The following DCHS2 variants were observed in gnomAD, a reference collection of about 807,000 sequenced individuals.
DCHS2 encodes the protein dachsous cadherin-related 2.
DCHS2 carries 142 observed loss-of-function variants against 182.4 expected under a neutral mutation model. The ratio of observed to expected loss-of-function variants is 0.78; its 90% confidence interval spans 0.68 to 0.89. The LOEUF (loss-of-function observed/expected upper bound fraction) is 0.89. DCHS2 is among the 40% of genes least tolerant of loss of function. The probability of loss-of-function intolerance (pLI) is 0.00; values close to 1 mark genes in which losing one functional copy is unlikely to be tolerated. For synonymous variants in DCHS2, 1,740 were observed against 1,663.3 expected, an observed-to-expected ratio of 1.05 and a Z score of -1.12; for missense variants, 4,319 against 4,198.6, an observed-to-expected ratio of 1.03 and a Z score of -0.79.
chr4:154,391,365 G>A, intron 1 of DCHS2: 1 of 1,525,990 alleles, frequency 6.6e-7, no homozygotes, highest in Non-Finnish European at 8.8e-7. Flanking sequence ...CTTTCCTTGT[G>A]CTACAGGTTC....
chr4:154,306,186 G>T (rs911541707), intron 10 of DCHS2, among the ~76,000 whole-genome samples: 1 of 151,938 alleles, frequency 6.6e-6, no homozygotes, highest in Admixed American at 6.6e-5. Context: ...TTTTATATAA[G>T]AATGAAAATA....
Position 154,235,456 on chromosome 4 carries a change from C to A in DCHS2, c.9196G>T (p.Asp3066Tyr). 1 of 1,614,058 alleles carries A rather than the reference C, an allele frequency of 6.2e-7. No individual in the cohort carries two copies. Residue 3066 changes from aspartate to tyrosine, a missense_variant, in exon 20 of 20, where the codon GAT becomes TAT. Physicochemically the swap from Asp to Tyr is radical, Grantham distance 160. Coordinates refer to ENST00000357232, the MANE Select transcript of DCHS2 (RefSeq NM_001358235.2). ...AAACTCAACCATTCCGGAGTGGCAT[C>A]CACAGGGACCACCTCGTTACTGCAG... is the stretch of plus-strand genomic sequence containing the variant. ...DDCSNEVVPV[D>Y]ATPEWLSLIS...
intron 3 of DCHS2, among the ~76,000 whole-genome samples, chr4:154,364,140 G>A (rs1273257892): frequency 6.6e-6 from 1 of 152,168 alleles, no homozygotes; most frequent in Non-Finnish European, 1.5e-5. Flanking sequence ...AAAATTCCAT[G>A]AAAGTTCCCT....
At chr4:154,338,879 C>A (rs749363578) in intron 3 of DCHS2, among the ~76,000 whole-genome samples, 1 of 152,088 alleles carries the variant, frequency 6.6e-6, no homozygotes, top group Non-Finnish European at 1.5e-5. Context: ...GTCAATACTA[C>A]AAGTATTAGC....
chr4:154,353,416 G>A (rs964059983), intron 3 of DCHS2, among the ~76,000 whole-genome samples: 2 of 152,122 alleles, frequency 1.3e-5, no homozygotes, highest in African/African-American at 2.4e-5. Flanking sequence ...CTAGTTAAAA[G>A]ACAAACATTA....
At chr4:154,384,238 G>A in intron 1 of DCHS2, 7 of 1,408,214 alleles carry the variant, frequency 5.0e-6, no homozygotes, top group Non-Finnish European at 6.6e-6. Context: ...TAATGATCGA[G>A]GCTTGATCTT....
At chr4:154,461,322 G>A (rs1006962439) in intron 1 of DCHS2, among the ~76,000 whole-genome samples, 2 of 151,956 alleles carry the variant, frequency 1.3e-5, no homozygotes, top group Admixed American at 1.3e-4. Flanking sequence ...GCCATCTAGG[G>A]CCTAGCTAAA....
chr4:154,356,072 G>A (rs1372949671), intron 3 of DCHS2, among the ~76,000 whole-genome samples: 1 of 152,134 alleles, frequency 6.6e-6, no homozygotes, highest in African/African-American at 2.4e-5. Flanking sequence ...TATCATAGGA[G>A]ATGACAGCTC....
chr4:154,260,101 C>A (rs1423442263), intron 14 of DCHS2, among the ~76,000 whole-genome samples: 1 of 152,166 alleles, frequency 6.6e-6, no homozygotes, highest in African/African-American at 2.4e-5. Flanking sequence ...GGATTATAGG[C>A]GTGAGCCACA....
intron 16 of DCHS2, among the ~76,000 whole-genome samples, chr4:154,243,384 T>G (rs1335836555): frequency 6.6e-6 from 1 of 152,170 alleles, no homozygotes; most frequent in African/African-American, 2.4e-5. Context: ...ATTTAATCTC[T>G]CTTGGATGAT....
intron 13 of DCHS2, among the ~76,000 whole-genome samples, chr4:154,291,640 TG>T (rs1219594434): frequency 1.3e-5 from 2 of 152,198 alleles, no homozygotes; most frequent in African/African-American, 4.8e-5. Flanking sequence ...CCCAGTCATC[TG>T]CAACAACATG....
At chr4:154,378,655 C>T (rs1579025908) in intron 1 of DCHS2, among the ~76,000 whole-genome samples, 1 of 152,168 alleles carries the variant, frequency 6.6e-6, no homozygotes, top group East Asian at 1.9e-4. Flanking sequence ...AACGTTCACT[C>T]TTCAGATCAG....
Position 154,325,891 on chromosome 4 carries a change from G to A in DCHS2, c.4018+2202C>T, listed in dbSNP as rs114226969. Among the ~76,000 whole-genome samples the A allele has an allele frequency of 2.1e-3, 313 of 152,300 alleles. 1 individual carries two copies. The highest frequency in any genetic ancestry group is 6.9e-3 in the African/African-American group (288 of 41,564). On this transcript the variant is annotated intron_variant, in intron 7 of 19. Coordinates refer to ENST00000357232, the MANE Select transcript of DCHS2 (RefSeq NM_001358235.2). ...CAATGAACTCAAAGCTGCTGTTTGC[G>A]TCAAATTCTTTTTATCTTCTGTAAA...
chr4:154,388,891 C>A (rs1256224740), intron 1 of DCHS2, among the ~76,000 whole-genome samples: 1 of 152,040 alleles, frequency 6.6e-6, no homozygotes, highest in Admixed American at 6.6e-5. Context: ...AGGCATTGGC[C>A]GTCTGTCTAT....
At chr4:154,484,188 C>A (rs1022590397) in intron 1 of DCHS2, among the ~76,000 whole-genome samples, 15 of 152,154 alleles carry the variant, frequency 9.9e-5, no homozygotes, top group African/African-American at 3.4e-4. Context: ...CTTTGTGATA[C>A]CTCTAAGGCC....
intron 1 of DCHS2, among the ~76,000 whole-genome samples, chr4:154,426,468 C>A (rs1306321072): frequency 2.2e-4 from 34 of 152,172 alleles, no homozygotes; most frequent in African/African-American, 7.5e-4. Context: ...AAGCAGGAAG[C>A]TACACAGGTC....
intron 16 of DCHS2, among the ~76,000 whole-genome samples, chr4:154,253,184 A>AGTGTGTGT: frequency 6.8e-6 from 1 of 147,788 alleles, no homozygotes; most frequent in South Asian, 2.1e-4. Context: ...AGAGAGAGAG[A>AGTGTGTGT]GAGAGAGAGT....
chr4:154,305,322 C>G (rs1006571390), intron 10 of DCHS2, 91 bp from the exon 11 acceptor site: 1 of 1,405,892 alleles, frequency 7.1e-7, no homozygotes, highest in Non-Finnish European at 9.3e-7. Context: ...ACATGTTAGG[C>G]CATAGATGAA....
intron 13 of DCHS2, among the ~76,000 whole-genome samples, chr4:154,275,019 G>C (rs967687670): frequency 5.3e-5 from 8 of 150,594 alleles, no homozygotes; most frequent in African/African-American, 1.7e-4. Flanking sequence ...TAACAAAAAT[G>C]ACCCCTAAAC....
Sources: allele counts gnomAD v4.1 joint callset (sites outside exome capture counted in the v4.1 genomes callset), GRCh38; gene constraint gnomAD v4.1.1; transcripts MANE v1.5; gene names NCBI Gene and HGNC (gene_info 2026-07-23, HGNC 2026-07-21).